PTPRM: variants seen among roughly 807,000 people sequenced by gnomAD.
PTPRM encodes receptor-type tyrosine-protein phosphatase mu.
In PTPRM, 47 loss-of-function variants were observed where a neutral mutation model predicts 186.7. The ratio of observed to expected loss-of-function variants is 0.25; its 90% CI spans 0.20 to 0.32. PTPRM has a LOEUF of 0.32. PTPRM is among the 10% of genes least tolerant of loss of function. The pLI, the probability that PTPRM is intolerant of heterozygous loss-of-function variation, is 1.00. For missense variants in PTPRM, 1,494 were observed against 1,865.0 expected (o/e 0.80, Z 3.66); for synonymous variants, 668 against 674.9 (o/e 0.99, Z 0.16).
intron 29 of PTPRM, among the ~76,000 whole-genome samples, chr18:8,383,223 G>A (rs181617422): frequency 2.3e-3 from 324 of 138,764 alleles, no homozygotes; most frequent in African/African-American, 8.5e-3. Context: ...GCTTGAACCC[G>A]GGGGGCGGAG....
intron 2 of PTPRM, among the ~76,000 whole-genome samples, chr18:7,776,924 T>C (rs1382156721): frequency 6.6e-6 from 1 of 152,212 alleles, no homozygotes; most frequent in Admixed American, 6.5e-5. Context: ...GTTTCCAATA[T>C]GTATATACAG....
At chr18:8,032,023 A>G (rs920297202) in intron 7 of PTPRM, among the ~76,000 whole-genome samples, 1 of 152,234 alleles carries the variant, frequency 6.6e-6, no homozygotes, top group Admixed American at 6.5e-5. Context: ...GGGAAAAATA[A>G]TGTTGAAAAA....
At chr18:7,627,649 A>G (rs1387061703) in intron 1 of PTPRM, among the ~76,000 whole-genome samples, 1 of 152,316 alleles carries the variant, frequency 6.6e-6, no homozygotes, top group East Asian at 1.9e-4. Context: ...AGGGAATGTG[A>G]AGATGAGAAA....
Position 8,327,864 on chromosome 18 carries a change from A to G in PTPRM, c.2956+8650A>G, listed in dbSNP as rs371449695. 6.1e-4 allele frequency among the ~76,000 whole-genome samples: 93 copies of G among 152,324 alleles called. 3 individuals are homozygous for G. The South Asian group carries it at 0.018, about 30-fold the overall frequency. ...GTTTGTGTAACCCCTGTCCCCATACATATAATCAGTTTTGTCTGTAGTTAT... is the reference window on the plus strand; with the variant it reads ...GTTTGTGTAACCCCTGTCCCCATACGTATAATCAGTTTTGTCTGTAGTTAT... On this transcript the variant is annotated intron_variant, in intron 22 of 32. Coordinates refer to ENST00000580170, the MANE Select transcript of PTPRM (RefSeq NM_001105244.2).
At chr18:7,961,595 G>C (rs1161985918) in intron 7 of PTPRM, among the ~76,000 whole-genome samples, 1 of 152,206 alleles carries the variant, frequency 6.6e-6, no homozygotes, top group Non-Finnish European at 1.5e-5. Flanking sequence ...ATGTTTACTA[G>C]TAAAGCATGT....
intron 11 of PTPRM, among the ~76,000 whole-genome samples, chr18:8,099,420 G>C (rs1367447192): frequency 6.6e-6 from 1 of 152,128 alleles, no homozygotes; most frequent in East Asian, 1.9e-4. Context: ...GCTTCCATGA[G>C]TATTTGTTTA....
intron 7 of PTPRM, among the ~76,000 whole-genome samples, chr18:8,010,581 T>C (rs2084466398): frequency 6.6e-6 from 1 of 152,182 alleles, no homozygotes; most frequent in Non-Finnish European, 1.5e-5. Flanking sequence ...AATGTTCATA[T>C]TGTGACTGCC....
chr18:7,726,374 G>A (rs1486456855), intron 1 of PTPRM, among the ~76,000 whole-genome samples: 1 of 152,088 alleles, frequency 6.6e-6, no homozygotes, highest in East Asian at 1.9e-4. Flanking sequence ...TTTCTTTATA[G>A]ATTCTGGTTA....
In PTPRM at chr18:7,955,301, T is replaced by C. The variant is rs1325402792; in HGVS notation, c.1019T>C (p.Ile340Thr). ...RQPVDSTSYK[I>T]GHLDPDTEYE... is the part of the protein sequence containing the mutation. The stretch of plus-strand genomic sequence containing the variant: ...CCAGTCGATTCCACGAGCTATAAAA[T>C]TGGACACCTTGACCCAGATACAGAA... The change falls in exon 7 of 33, where the codon ATT (isoleucine) becomes ACT (threonine). Residue 340 changes from isoleucine (I) to threonine (T), a missense_variant. By Grantham distance (89) the Ile-to-Thr change is moderately conservative. Around this residue, in one of 3 missense-constraint regions of PTPRM, gnomAD observed 91 missense variants for 169.3 expected, o/e 0.54. Transcript: ENST00000580170. The C allele has an allele frequency of 1.2e-6, 2 of 1,614,026 alleles. No homozygotes were observed. Among genetic ancestry groups the C allele is most frequent in the African/African-American group, 2.7e-5 (2 of 74,896 alleles).
chr18:7,720,057 C>A (rs1239161594), intron 1 of PTPRM, among the ~76,000 whole-genome samples: 1 of 152,092 alleles, frequency 6.6e-6, no homozygotes, highest in Non-Finnish European at 1.5e-5. Context: ...AACCCTTAAA[C>A]TTCTCCTGGA....
intron 7 of PTPRM, among the ~76,000 whole-genome samples, chr18:8,055,072 T>C (rs2087822946): frequency 6.6e-6 from 1 of 152,208 alleles, no homozygotes; most frequent in Non-Finnish European, 1.5e-5. Flanking sequence ...TTGATTATTT[T>C]GGTGTTGGTG....
chr18:7,581,971 T>G (rs1027374377), intron 1 of PTPRM, among the ~76,000 whole-genome samples: 6 of 152,190 alleles, frequency 3.9e-5, no homozygotes, highest in Non-Finnish European at 7.3e-5. Flanking sequence ...AAAATTTATT[T>G]TTTTAAAGCA....
At chr18:8,143,494 C>A (rs1363288874) in intron 13 of PTPRM, among the ~76,000 whole-genome samples, 153 bp from the exon 14 acceptor site, 1 of 152,190 alleles carries the variant, frequency 6.6e-6, no homozygotes, top group Non-Finnish European at 1.5e-5. Flanking sequence ...GCTTTCAGTG[C>A]ATATGAAAGC....
At chr18:8,232,390 A>G (rs766621240) in intron 14 of PTPRM, among the ~76,000 whole-genome samples, 2 of 152,242 alleles carry the variant, frequency 1.3e-5, no homozygotes, top group East Asian at 3.8e-4. Context: ...ATTGTCAGTT[A>G]TGGATAAAGC....
At chr18:8,319,953 G>A (rs1181886173) in intron 22 of PTPRM, among the ~76,000 whole-genome samples, 1 of 152,154 alleles carries the variant, frequency 6.6e-6, no homozygotes. Context: ...AGCGTATGAA[G>A]TGGGTCATCT....
chr18:8,389,383 AC>A (rs2095797429), intron 31 of PTPRM, among the ~76,000 whole-genome samples: 1 of 152,226 alleles, frequency 6.6e-6, no homozygotes. Flanking sequence ...CTTGTCAACA[AC>A]ACACTTCCCA....
chr18:8,380,265 A>G, intron 28 of PTPRM, 31 bp from the exon 29 acceptor site: 1 of 1,605,718 alleles, frequency 6.2e-7, no homozygotes, highest in Non-Finnish European at 8.5e-7. Context: ...TTTCCTGAGT[A>G]TATTTGGAGC....
chr18:7,863,113 C>G (rs924678292), intron 2 of PTPRM, among the ~76,000 whole-genome samples: 1 of 152,112 alleles, frequency 6.6e-6, no homozygotes, highest in Non-Finnish European at 1.5e-5. Context: ...TAGAAATGGA[C>G]TGTAAACTAT....
chr18:7,616,728 C>T (rs559565930), intron 1 of PTPRM, among the ~76,000 whole-genome samples: 6 of 152,288 alleles, frequency 3.9e-5, no homozygotes, highest in African/African-American at 1.2e-4. Flanking sequence ...CCAGTTTGTG[C>T]TGGTGAGGAA....
Sources: allele counts gnomAD v4.1 joint callset (sites outside exome capture counted in the v4.1 genomes callset), GRCh38; gene constraint gnomAD v4.1.1; regional missense constraint gnomAD v4.1.1; transcripts MANE v1.5; gene names NCBI Gene and HGNC (gene_info 2026-07-23, HGNC 2026-07-21).